ERC2: variants seen among roughly 807,000 people sequenced by gnomAD.
ERC2 encodes ERC protein 2.
A neutral mutation model predicts 114.8 loss-of-function variants in ERC2; 42 were observed. The ratio of observed to expected loss-of-function variants is 0.37; its 90% CI spans 0.29 to 0.47. The LOEUF (loss-of-function observed/expected upper bound fraction) is 0.47, where lower values mean the gene tolerates loss of function less well. ERC2 is among the 20% of genes least tolerant of loss of function. The pLI, the probability that ERC2 is intolerant of heterozygous loss-of-function variation, is 0.99. For synonymous variants in ERC2, 454 were observed against 425.5 expected, an observed-to-expected ratio of 1.07 and a Z score of -0.82; for missense variants, 939 against 1,150.7, an observed-to-expected ratio of 0.82 and a Z score of 2.66.
intron 14 of ERC2, among the ~76,000 whole-genome samples, chr3:55,856,260 G>A (rs2061779119): frequency 6.6e-6 from 1 of 152,238 alleles, no homozygotes; most frequent in African/African-American, 2.4e-5. Flanking sequence ...CTAAGGAACA[G>A]CTCTCTTGCT....
chr3:55,808,647 G>T (rs1344314240), intron 14 of ERC2, among the ~76,000 whole-genome samples: 1 of 146,906 alleles, frequency 6.8e-6, no homozygotes, highest in Non-Finnish European at 1.5e-5. Context: ...TTGACTCAGA[G>T]AGGGTAAATG....
intron 6 of ERC2, among the ~76,000 whole-genome samples, chr3:56,120,330 G>GA (rs2149854948): frequency 6.6e-6 from 1 of 152,230 alleles, no homozygotes; most frequent in South Asian, 2.1e-4. Context: ...CTATCACATT[G>GA]ATATAAAAAC....
chr3:55,671,429 G>GC (rs2061554797), intron 17 of ERC2, among the ~76,000 whole-genome samples: 1 of 152,126 alleles, frequency 6.6e-6, no homozygotes, highest in African/African-American at 2.4e-5. Context: ...TCTGGACATT[G>GC]CAAAGTTTTC....
At chr3:56,326,945 G>A (rs184077653) in intron 2 of ERC2, among the ~76,000 whole-genome samples, 4 of 152,298 alleles carry the variant, frequency 2.6e-5, no homozygotes, top group East Asian at 1.9e-4. Flanking sequence ...CTAGGGCTAC[G>A]TATGTCTGGA....
intron 3 of ERC2, among the ~76,000 whole-genome samples, chr3:56,197,807 G>A (rs2048190842): frequency 6.6e-6 from 1 of 152,210 alleles, no homozygotes; most frequent in Non-Finnish European, 1.5e-5. Context: ...TAGTGGCAGT[G>A]AGCAAAAGGA....
At chr3:56,100,403 A>C (rs943224899) in intron 6 of ERC2, among the ~76,000 whole-genome samples, 6 of 152,150 alleles carry the variant, frequency 3.9e-5, no homozygotes, top group African/African-American at 1.4e-4. Context: ...CCCCAGTCCA[A>C]GGCACAGTGG....
chr3:56,264,107 T>A (rs1455405011), intron 3 of ERC2, among the ~76,000 whole-genome samples: 1 of 152,204 alleles, frequency 6.6e-6, no homozygotes, highest in Non-Finnish European at 1.5e-5. Context: ...TAACATCCTT[T>A]CATGTTGAAA....
intron 17 of ERC2, among the ~76,000 whole-genome samples, chr3:55,548,520 C>T (rs1261528010): frequency 6.6e-6 from 1 of 152,110 alleles, no homozygotes. Context: ...CACTTAAGTC[C>T]CTATCTTCTG....
chr3:55,899,286 A>T (rs2064000563), intron 13 of ERC2, among the ~76,000 whole-genome samples: 1 of 152,210 alleles, frequency 6.6e-6, no homozygotes, highest in Non-Finnish European at 1.5e-5. Context: ...TTCTGGATTT[A>T]TTCTAAGGAT....
rs1171607704 is a variant in ERC2 at position 56,234,677 on chromosome 3, A to G, written c.1075-61157T>C. 3.3e-5 allele frequency among the ~76,000 whole-genome samples: 5 copies of G among 152,294 alleles called. No individual in the cohort carries two copies. In the East Asian group the frequency reaches 9.6e-4, roughly 29 times the overall value. ...GGTTCTGGAGACTGGAAAGTCCAAG[A>G]TTGAGGGGCCAGCATCTGGTGAGAG... is the stretch of plus-strand genomic sequence containing the variant. On this transcript the variant is annotated intron_variant, in intron 3 of 17. Coordinates refer to ENST00000288221, the MANE Select transcript of ERC2 (RefSeq NM_015576.3).
At chr3:55,546,503 G>C (rs1424862453) in intron 17 of ERC2, among the ~76,000 whole-genome samples, 1 of 152,128 alleles carries the variant, frequency 6.6e-6, no homozygotes, top group Non-Finnish European at 1.5e-5. Flanking sequence ...CTCCACATTA[G>C]AATCCAGGTT....
At chr3:56,007,471 C>T in intron 9 of ERC2, 150 bp from the exon 10 acceptor site, 1 of 753,058 alleles carries the variant, frequency 1.3e-6, no homozygotes, top group Non-Finnish European at 2.0e-6. Flanking sequence ...ATAGTCAGCT[C>T]TGGTCAGGAA....
At chr3:56,137,553 T>C (rs115814367) in intron 6 of ERC2, among the ~76,000 whole-genome samples, 268 of 152,350 alleles carry the variant, frequency 1.8e-3, no homozygotes, top group Non-Finnish European at 3.2e-3. Flanking sequence ...TTGTGGGCCA[T>C]ACAATATCTA....
intron 2 of ERC2, among the ~76,000 whole-genome samples, chr3:56,429,381 A>G (rs1412861813): frequency 6.6e-6 from 1 of 152,050 alleles, no homozygotes; most frequent in Non-Finnish European, 1.5e-5. Context: ...CTTTCTCCTC[A>G]TCCCTCCCCC....
intron 3 of ERC2, among the ~76,000 whole-genome samples, chr3:56,185,661 G>A (rs1167944381): frequency 2.6e-5 from 4 of 152,030 alleles, no homozygotes; most frequent in Admixed American, 2.0e-4. Context: ...GGAGTCAGAG[G>A]GTGAAATGTA....
In ERC2 at chr3:56,441,748, T is replaced by C. The variant is rs148786189; in HGVS notation, c.-140-6601A>G. On this transcript the variant is annotated intron_variant, in intron 1 of 17. Coordinates refer to ENST00000288221, the MANE Select transcript of ERC2 (RefSeq NM_015576.3). Reference sequence around the variant, plus strand: ...ATTTAGTGGAGACAGAATTTCACCATGTTGGCTAGGCTGGTCTCAAACTCC... The same window carrying C: ...ATTTAGTGGAGACAGAATTTCACCACGTTGGCTAGGCTGGTCTCAAACTCC... Among the ~76,000 whole-genome samples the C allele has an allele frequency of 7.0e-3, 1,070 of 152,314 alleles. 23 individuals carry two copies. Among genetic ancestry groups the C allele is most frequent in the African/African-American group, 0.025 (1,021 of 41,568 alleles).
At chr3:56,376,512 C>G (rs2059546909) in intron 2 of ERC2, among the ~76,000 whole-genome samples, 1 of 151,594 alleles carries the variant, frequency 6.6e-6, no homozygotes, top group Non-Finnish European at 1.5e-5. Context: ...TGCCTGTAAT[C>G]CTAGCACTTT....
chr3:56,297,828 T>C (rs2055555438), intron 2 of ERC2, among the ~76,000 whole-genome samples: 1 of 152,218 alleles, frequency 6.6e-6, no homozygotes, highest in Non-Finnish European at 1.5e-5. Flanking sequence ...TGAATTCCTA[T>C]AGCTGACACT....
chr3:56,285,699 C>A (rs887175643), intron 3 of ERC2, among the ~76,000 whole-genome samples: 4 of 152,202 alleles, frequency 2.6e-5, no homozygotes, highest in African/African-American at 9.6e-5. Flanking sequence ...GCAAACCTGG[C>A]AAGGCCATGG....
Sources: allele counts gnomAD v4.1 joint callset (sites outside exome capture counted in the v4.1 genomes callset), GRCh38; gene constraint gnomAD v4.1.1; transcripts MANE v1.5; gene names NCBI Gene and HGNC (gene_info 2026-07-23, HGNC 2026-07-21).